Variants in PTPRQ observed in about 807,000 individuals in gnomAD.
The protein encoded by PTPRQ is phosphatidylinositol phosphatase PTPRQ.
In PTPRQ, 199 loss-of-function variants were observed where a neutral mutation model predicts 246.0. The observed-to-expected ratio is 0.81, with a 90% CI of 0.72 to 0.91. PTPRQ has a LOEUF of 0.91. Among genes scored for constraint, PTPRQ ranks in the 40% least tolerant of loss-of-function variants. The probability of loss-of-function intolerance (pLI) is 0.00; values close to 1 mark genes in which losing one functional copy is unlikely to be tolerated. For synonymous variants in PTPRQ, 869 were observed against 853.2 expected (o/e 1.02, Z -0.32); for missense variants, 2,624 against 2,528.4 (o/e 1.04, Z -0.81).
intron 38 of PTPRQ, among the ~76,000 whole-genome samples, chr12:80,655,229 T>G (rs1015520198): frequency 6.6e-6 from 1 of 152,196 alleles, no homozygotes; most frequent in Admixed American, 6.5e-5. Flanking sequence ...TTTCCTGGGT[T>G]ACATATCTGT....
intron 25 of PTPRQ, among the ~76,000 whole-genome samples, chr12:80,562,613 A>C (rs1275270857): frequency 6.6e-6 from 1 of 152,186 alleles, no homozygotes; most frequent in East Asian, 1.9e-4. Flanking sequence ...CAACATATCA[A>C]AATTTGTGAG....
Position 80,496,000 on chromosome 12 carries a change from G to T in PTPRQ, c.1884G>T (p.Gly628=). ...ACAGTTTGTCTCTTGTCCTTATAGG[G>T]TTAAAGAAATACACAAAATACAAAA... ...TTIDNSFLIT[G]LKKYTKYKMR... The change falls in exon 13 of 45, where the codon GGG becomes GGT. Residue 628 remains glycine (G), a splice_region_variant and synonymous_variant. Transcript: ENST00000644991. 1 of 1,549,288 alleles carries T rather than the reference G, an allele frequency of 6.5e-7. No individual in the cohort carries two copies. The highest frequency in any genetic ancestry group is 8.7e-7 in the Non-Finnish European group (1 of 1,145,866).
intron 25 of PTPRQ, among the ~76,000 whole-genome samples, chr12:80,563,710 A>G (rs1471955492): frequency 2.6e-5 from 4 of 151,998 alleles, no homozygotes; most frequent in Admixed American, 2.6e-4. Flanking sequence ...CTAAGTCTCC[A>G]CTGGGATCAC....
intron 33 of PTPRQ, 66 bp downstream of exon 33, chr12:80,622,200 A>G (rs1899020735): frequency 2.6e-6 from 3 of 1,146,488 alleles, no homozygotes; most frequent in Non-Finnish European, 3.5e-6. Context: ...ATTTATTAGT[A>G]AATGTATTAA....
intron 17 of PTPRQ, 117 bp from the exon 18 acceptor site, chr12:80,533,898 A>G: frequency 1.4e-6 from 1 of 726,036 alleles, no homozygotes; most frequent in Non-Finnish European, 2.0e-6. Context: ...TCTTTTTTCT[A>G]TTAATCTAGA....
chr12:80,650,729 C>A (rs1361689447), intron 37 of PTPRQ, among the ~76,000 whole-genome samples: 1 of 151,970 alleles, frequency 6.6e-6, no homozygotes, highest in Non-Finnish European at 1.5e-5. Context: ...CAAGAATTCT[C>A]AATTTTTCAG....
intron 8 of PTPRQ, among the ~76,000 whole-genome samples, chr12:80,481,005 T>A (rs1894028040): frequency 6.6e-6 from 1 of 151,944 alleles, no homozygotes; most frequent in African/African-American, 2.4e-5. Context: ...AAAGAGGGAA[T>A]CCTCCCTAAC....
chr12:80,556,148 C>A (rs1442608965), intron 25 of PTPRQ, among the ~76,000 whole-genome samples: 1 of 152,124 alleles, frequency 6.6e-6, no homozygotes, highest in African/African-American at 2.4e-5. Context: ...ATGCCTCAGC[C>A]TCCTGAGTAG....
intron 39 of PTPRQ, among the ~76,000 whole-genome samples, chr12:80,664,501 C>T (rs1900725043): frequency 6.6e-6 from 1 of 151,992 alleles, no homozygotes; most frequent in South Asian, 2.1e-4. Context: ...GAGGAATTCT[C>T]CCTTCTGCAT....
At chr12:80,608,257 A>G (rs1331474206) in intron 27 of PTPRQ, among the ~76,000 whole-genome samples, 2 of 150,700 alleles carry the variant, frequency 1.3e-5, no homozygotes, top group Non-Finnish European at 3.0e-5. Context: ...ACAATAGATT[A>G]TCAAGTACAA....
At chr12:80,492,263 A>G (rs772966430) in intron 9 of PTPRQ, among the ~76,000 whole-genome samples, 1 of 152,082 alleles carries the variant, frequency 6.6e-6, no homozygotes. Context: ...TCTAAAAACC[A>G]TGGACATTTC....
rs757477465 is a variant in PTPRQ at position 80,506,149 on chromosome 12, A to G, written c.2398A>G (p.Ser800Gly). 1.6e-5 allele frequency: 25 copies of G among 1,533,986 alleles called. No individual in the cohort carries two copies. The highest frequency in any genetic ancestry group is 2.0e-5 in the Non-Finnish European group (23 of 1,140,696). The change falls in exon 15 of 45, where the codon AGT (serine) becomes GGT (glycine). Residue 800 changes from serine to glycine, a missense_variant. By Grantham distance (56) the Ser-to-Gly change is moderately conservative. Coordinates refer to ENST00000644991, the MANE Select transcript of PTPRQ (RefSeq NM_001145026.2). The part of the protein sequence containing the change: ...IQKYTIYLKR[S>G]NGNEERTINT... Reference sequence around the variant, plus strand: ...AAAATATACAATTTATCTCAAGAGAAGTAATGGAAATGAGGAAAGAACTAT... The same window carrying G: ...AAAATATACAATTTATCTCAAGAGAGGTAATGGAAATGAGGAAAGAACTAT...
At chr12:80,550,111 A>G (rs1896428614) in intron 25 of PTPRQ, among the ~76,000 whole-genome samples, 1 of 152,072 alleles carries the variant, frequency 6.6e-6, no homozygotes, top group South Asian at 2.1e-4. Context: ...GTTTTCCTGA[A>G]CTATATGGTT....
rs543583421 is a variant in PTPRQ, at chr12:80,539,383, A to G, written c.2986-393A>G. Among the ~76,000 whole-genome samples the G allele has an allele frequency of 8.5e-5, 13 of 152,286 alleles. No individual in the cohort carries two copies. The South Asian group carries it at 2.7e-3, about 32-fold the overall frequency. On this transcript the variant is annotated intron_variant, in intron 19 of 44. Coordinates refer to ENST00000644991, the MANE Select transcript of PTPRQ (RefSeq NM_001145026.2). ...TTCATCACAAATGGAAAGAAACACAATTAAAAGTTTTCTAATACTCCCAAA... is the reference window on the plus strand; with the variant it reads ...TTCATCACAAATGGAAAGAAACACAGTTAAAAGTTTTCTAATACTCCCAAA...
chr12:80,452,931 A>C (rs1892821410), intron 3 of PTPRQ, among the ~76,000 whole-genome samples: 1 of 152,288 alleles, frequency 6.6e-6, no homozygotes, highest in South Asian at 2.1e-4. Context: ...GGATTGGGGA[A>C]GTTCTCCTGG....
chr12:80,458,538 A>ATT (rs138111017), intron 4 of PTPRQ, among the ~76,000 whole-genome samples: 16 of 148,212 alleles, frequency 1.1e-4, no homozygotes, highest in African/African-American at 3.4e-4. Flanking sequence ...ACTATCACTT[A>ATT]TTTTTTTTTT....
intron 25 of PTPRQ, among the ~76,000 whole-genome samples, chr12:80,566,251 G>A (rs1896975291): frequency 6.6e-6 from 1 of 152,150 alleles, no homozygotes; most frequent in Admixed American, 6.5e-5. Context: ...GCCGAGGCAG[G>A]TGGATCACTT....
At chr12:80,454,196 G>A (rs1252361829) in intron 3 of PTPRQ, among the ~76,000 whole-genome samples, 1 of 147,212 alleles carries the variant, frequency 6.8e-6, no homozygotes, top group Admixed American at 6.7e-5. Context: ...TAATCTCCTG[G>A]TGTGCCGTTT....
At chr12:80,595,192 A>G (rs1897928789) in intron 26 of PTPRQ, among the ~76,000 whole-genome samples, 1 of 151,990 alleles carries the variant, frequency 6.6e-6, no homozygotes, top group Non-Finnish European at 1.5e-5. Flanking sequence ...ACCTCCCAAA[A>G]TTTGTTTCTC....
Sources: allele counts gnomAD v4.1 joint callset (sites outside exome capture counted in the v4.1 genomes callset), GRCh38; gene constraint gnomAD v4.1.1; transcripts MANE v1.5; gene names NCBI Gene and HGNC (gene_info 2026-07-23, HGNC 2026-07-21).